UBASH3B: variants seen among roughly 807,000 people sequenced by gnomAD.
UBASH3B encodes the protein ubiquitin associated and SH3 domain containing B, also known as ubiquitin-associated and SH3 domain-containing protein B.
A neutral mutation model predicts 83.4 loss-of-function variants in UBASH3B; 37 were observed. The ratio of observed to expected loss-of-function variants is 0.44; its 90% CI spans 0.34 to 0.58. The LOEUF (loss-of-function observed/expected upper bound fraction) is 0.58, where lower values mean the gene tolerates loss of function less well. UBASH3B is among the 20% of genes least tolerant of loss of function. The pLI is 0.01. For missense variants in UBASH3B, 657 were observed against 827.2 expected, an observed-to-expected ratio of 0.79 and a Z score of 2.52; for synonymous variants, 304 against 318.3, an observed-to-expected ratio of 0.96 and a Z score of 0.48.
chr11:122,669,391 C>T (rs1395700779), intron 1 of UBASH3B, among the ~76,000 whole-genome samples: 1 of 152,178 alleles, frequency 6.6e-6, no homozygotes, highest in Non-Finnish European at 1.5e-5. Flanking sequence ...CTGTGACTCT[C>T]CTGCCTCACT....
intron 1 of UBASH3B, among the ~76,000 whole-genome samples, chr11:122,740,238 C>A (rs1375240882): frequency 6.6e-6 from 1 of 152,176 alleles, no homozygotes; most frequent in African/African-American, 2.4e-5. Flanking sequence ...GAGCTACTAA[C>A]TGGCTATCAT....
intron 1 of UBASH3B, among the ~76,000 whole-genome samples, chr11:122,733,428 G>A (rs1250942036): frequency 6.6e-6 from 1 of 152,220 alleles, no homozygotes; most frequent in African/African-American, 2.4e-5. Context: ...TCAACGATAA[G>A]TCACTAGAAA....
At chr11:122,742,976 T>C (rs1861050769) in intron 1 of UBASH3B, among the ~76,000 whole-genome samples, 1 of 152,216 alleles carries the variant, frequency 6.6e-6, no homozygotes, top group Admixed American at 6.5e-5. Context: ...AGAAATGGGA[T>C]AGAGTGAGTG....
intron 1 of UBASH3B, among the ~76,000 whole-genome samples, chr11:122,693,411 G>A (rs151012048): frequency 3.1e-3 from 473 of 152,306 alleles, no homozygotes; most frequent in African/African-American, 0.01. Flanking sequence ...GAGTGGTAAG[G>A]AGAAACCATC....
chr11:122,705,158 A>G (rs1013703604), intron 1 of UBASH3B, among the ~76,000 whole-genome samples: 3 of 152,120 alleles, frequency 2.0e-5, no homozygotes, highest in Non-Finnish European at 2.9e-5. Flanking sequence ...GCTAAATCTA[A>G]AATCCTGGCT....
intron 1 of UBASH3B, among the ~76,000 whole-genome samples, chr11:122,730,840 C>T (rs1448984306): frequency 6.6e-6 from 1 of 152,178 alleles, no homozygotes; most frequent in Non-Finnish European, 1.5e-5. Context: ...GGTGATCCGC[C>T]CGCCTCGGCC....
intron 9 of UBASH3B, among the ~76,000 whole-genome samples, chr11:122,797,655 T>C (rs1861179236): frequency 1.3e-5 from 2 of 152,276 alleles, no homozygotes; most frequent in South Asian, 4.1e-4. Flanking sequence ...CATCCAGACA[T>C]AGTGATATGC....
At chr11:122,774,558 G>A (rs1015080814) in intron 1 of UBASH3B, among the ~76,000 whole-genome samples, 2 of 152,200 alleles carry the variant, frequency 1.3e-5, no homozygotes, top group Non-Finnish European at 2.9e-5. Context: ...AATTCTCACA[G>A]CATCGGTCAT....
chr11:122,668,818 A>T (rs999785286), intron 1 of UBASH3B, among the ~76,000 whole-genome samples: 3 of 152,200 alleles, frequency 2.0e-5, no homozygotes, highest in African/African-American at 7.2e-5. Flanking sequence ...TGAGGCTCTC[A>T]AAGTACTGTG....
At chr11:122,664,204 C>T (rs1406779293) in intron 1 of UBASH3B, among the ~76,000 whole-genome samples, 2 of 152,122 alleles carry the variant, frequency 1.3e-5, no homozygotes, top group African/African-American at 4.8e-5. Flanking sequence ...TGAGAAAAAG[C>T]AGACCCAGGG....
chr11:122,776,540 G>T (rs544001077), intron 2 of UBASH3B, among the ~76,000 whole-genome samples: 150 of 152,292 alleles, frequency 9.8e-4, no homozygotes, highest in African/African-American at 3.2e-3. Context: ...GTCACTTAAA[G>T]ATTCATTTTA....
At chr11:122,711,713 G>A (rs1864195064) in intron 1 of UBASH3B, among the ~76,000 whole-genome samples, 1 of 152,200 alleles carries the variant, frequency 6.6e-6, no homozygotes, top group Non-Finnish European at 1.5e-5. Context: ...CTTTACTGGA[G>A]TTTGCAAATA....
chr11:122,696,831 A>G (rs753852579), intron 1 of UBASH3B, among the ~76,000 whole-genome samples: 29 of 152,236 alleles, frequency 1.9e-4, no homozygotes, highest in Admixed American at 5.2e-4. Context: ...GTTGACAGAC[A>G]TTTCTCCTTA....
intron 1 of UBASH3B, among the ~76,000 whole-genome samples, chr11:122,733,714 A>C (rs1203037637): frequency 6.6e-6 from 1 of 152,246 alleles, no homozygotes; most frequent in East Asian, 1.9e-4. Flanking sequence ...TAATGATAAG[A>C]GTATATGATA....
intron 1 of UBASH3B, among the ~76,000 whole-genome samples, chr11:122,696,336 TTTTTC>T (rs1157010617): frequency 1.4e-5 from 1 of 73,302 alleles, no homozygotes; most frequent in Non-Finnish European, 3.1e-5. Context: ...TTCTTTTTCT[TTTTTC>T]TTTTTGTTTT....
chr11:122,792,451 C>T (rs1565567701), intron 6 of UBASH3B, among the ~76,000 whole-genome samples: 1 of 151,734 alleles, frequency 6.6e-6, no homozygotes, highest in African/African-American at 2.4e-5. Context: ...CCCGAGTAGC[C>T]AGGACTACAG....
chr11:122,804,375 A>G (rs1861303705), intron 11 of UBASH3B, among the ~76,000 whole-genome samples: 1 of 152,118 alleles, frequency 6.6e-6, no homozygotes, highest in Admixed American at 6.5e-5. Flanking sequence ...AATGCAGGAT[A>G]TGGGCAAGTT....
chr11:122,694,587 G>A (rs1036202018), intron 1 of UBASH3B, among the ~76,000 whole-genome samples: 10 of 152,116 alleles, frequency 6.6e-5, no homozygotes, highest in African/African-American at 2.2e-4. Context: ...AACTTGGAAG[G>A]AAGGAAGGAA....
intron 1 of UBASH3B, among the ~76,000 whole-genome samples, chr11:122,684,368 G>A (rs977572273): frequency 6.6e-6 from 1 of 152,158 alleles, no homozygotes; most frequent in African/African-American, 2.4e-5. Context: ...CTTCTAGAGA[G>A]CGACAAGCAA....
Sources: allele counts gnomAD v4.1 joint callset (sites outside exome capture counted in the v4.1 genomes callset), GRCh38; gene constraint gnomAD v4.1.1; transcripts MANE v1.5; gene names NCBI Gene and HGNC (gene_info 2026-07-23, HGNC 2026-07-21).